Variants in CPXM2 observed in about 807,000 individuals in gnomAD.
The protein encoded by CPXM2 is carboxypeptidase X, M14 family member 2.
CPXM2 carries 66 observed loss-of-function variants against 86.1 expected under a neutral mutation model. That is an observed-to-expected ratio of 0.77 (90% CI 0.63 to 0.94). The LOEUF is 0.94. CPXM2 is among the 40% of genes least tolerant of loss of function. CPXM2 has a pLI of 0.00. For synonymous variants in CPXM2, 388 were observed against 400.2 expected (o/e 0.97, Z 0.36); for missense variants, 948 against 1,026.3 (o/e 0.92, Z 1.04).
chr10:123,818,944 C>T (rs995399815), intron 4 of CPXM2, among the ~76,000 whole-genome samples: 19 of 152,150 alleles, frequency 1.2e-4, no homozygotes, highest in African/African-American at 4.6e-4. Flanking sequence ...TAGTGATCCA[C>T]TAGCAAAATT....
At chr10:123,916,235 T>C (rs1945532751) in intron 2 of CPXM2, among the ~76,000 whole-genome samples, 1 of 152,154 alleles carries the variant, frequency 6.6e-6, no homozygotes, top group Non-Finnish European at 1.5e-5. Context: ...CAAAATGCTA[T>C]TATATGTGGG....
In CPXM2 at chr10:123,839,239, G is replaced by A. The variant is rs76746247; in HGVS notation, c.653+3110C>T. On this transcript the variant is annotated intron_variant, in intron 4 of 13. Coordinates refer to ENST00000241305, the MANE Select transcript of CPXM2 (RefSeq NM_198148.3). The stretch of plus-strand genomic sequence containing the variant: ...ACAGGAAACTGAGGGTCACAGAAGA[G>A]AAATCTCAGAACCAGCAAGGGCCTA... Among the ~76,000 whole-genome samples the A allele has an allele frequency of 5.4e-3, 818 of 152,260 alleles. 8 individuals are homozygous for A. The highest frequency in any genetic ancestry group is 0.027 in the Middle Eastern group (8 of 294).
intron 2 of CPXM2, among the ~76,000 whole-genome samples, chr10:123,935,846 C>T (rs919766387): frequency 6.6e-6 from 1 of 152,094 alleles, no homozygotes; most frequent in East Asian, 1.9e-4. Flanking sequence ...GCGTCTTGAC[C>T]ATCATCACCA....
chr10:123,891,708 CG>C lies in CPXM2; in HGVS notation c.-50del. ...GCAGGGTCACGGTCACCGGGGGCGC[CG>C]GGCGGGCTGCGGGCGCAGAAGCTGG... On this transcript the variant is annotated 5_prime_UTR_variant, in exon 1 of 14. Coordinates refer to ENST00000241305, the MANE Select transcript of CPXM2 (RefSeq NM_198148.3). The surrounding 1 kb of genome is among the most constrained non-coding windows in gnomAD (Gnocchi z 5.6). 7.8e-7 allele frequency: 1 copy of C among 1,284,148 alleles called. No homozygotes were observed. The highest frequency in any genetic ancestry group is 1.6e-5 in the African/African-American group (1 of 64,066). The allele number at this position is 1,284,148 out of a possible 1,614,324, so 79.5% of individuals were successfully genotyped here.
Position 123,799,118 on chromosome 10 carries a change from G to A in CPXM2, c.735C>T (p.Asp245=). The change falls in exon 5 of 14, where the codon GAC becomes GAT. Residue 245 remains aspartate (D), a synonymous_variant. Transcript: ENST00000241305. The part of the protein sequence containing the change: ...TWVTVKNGSG[D]MIFEGNSEKE... The stretch of plus-strand genomic sequence containing the variant: ...TTAAATGGAGGATGAGACTCACCAT[G>A]TCTCCAGATCCATTCTTAACAGTGA... 2 of 1,614,064 alleles carry A rather than the reference G, an allele frequency of 1.2e-6. No homozygotes were observed. Among genetic ancestry groups the A allele is most frequent in the Non-Finnish European group, 1.7e-6 (2 of 1,180,018 alleles).
At chr10:123,876,971 G>T (rs1223035188) in intron 2 of CPXM2, among the ~76,000 whole-genome samples, 1 of 152,226 alleles carries the variant, frequency 6.6e-6, no homozygotes, top group East Asian at 1.9e-4. Context: ...AAAGTCTCAA[G>T]TGTTAGTCTG....
At chr10:123,818,726 T>C (rs1847863937) in intron 4 of CPXM2, among the ~76,000 whole-genome samples, 1 of 152,174 alleles carries the variant, frequency 6.6e-6, no homozygotes, top group Non-Finnish European at 1.5e-5. Context: ...GCAGTTGGAT[T>C]GATAGAATGG....
At chr10:123,781,780 C>T (rs574010676) in intron 6 of CPXM2, among the ~76,000 whole-genome samples, 1 of 152,216 alleles carries the variant, frequency 6.6e-6, no homozygotes, top group Non-Finnish European at 1.5e-5. Flanking sequence ...TCCCAGCTGG[C>T]TCTGCAGACA....
chr10:123,828,372 T>C (rs2134125898), intron 4 of CPXM2, among the ~76,000 whole-genome samples: 1 of 152,320 alleles, frequency 6.6e-6, no homozygotes, highest in South Asian at 2.1e-4. Context: ...AAATCTCATC[T>C]TGAAGTGTAG....
At chr10:123,807,660 C>G (rs1212927811) in intron 4 of CPXM2, among the ~76,000 whole-genome samples, 1 of 152,086 alleles carries the variant, frequency 6.6e-6, no homozygotes, top group Non-Finnish European at 1.5e-5. Flanking sequence ...GTCTGCGTGG[C>G]TTAGATGGAA....
rs573239034 is a variant in CPXM2 at position 123,832,796 on chromosome 10, T to C, written c.653+9553A>G. Among the ~76,000 whole-genome samples the C allele has an allele frequency of 1.6e-4, 22 of 140,314 alleles. No individual in the cohort carries two copies. The East Asian group carries it at 4.0e-3, about 26-fold the overall frequency. 92.1% of individuals were successfully genotyped at this position (140,314 alleles called of 152,430 possible). ...GAGCCGAGATCGTGCCATTGCACTCTAGCCTGGGCAACAAGAGCAAAACTC... is the reference window on the plus strand; with the variant it reads ...GAGCCGAGATCGTGCCATTGCACTCCAGCCTGGGCAACAAGAGCAAAACTC... On this transcript the variant is annotated intron_variant, in intron 4 of 13. Transcript: ENST00000241305.
At chr10:123,765,164 A>T (rs1157224299) in intron 10 of CPXM2, among the ~76,000 whole-genome samples, 3 of 152,212 alleles carry the variant, frequency 2.0e-5, no homozygotes, top group South Asian at 2.1e-4. Context: ...TCAATTTTTT[A>T]AAATGTTACA....
intron 6 of CPXM2, among the ~76,000 whole-genome samples, chr10:123,792,465 G>A (rs1310954147): frequency 6.6e-6 from 1 of 152,144 alleles, no homozygotes; most frequent in Non-Finnish European, 1.5e-5. Context: ...GATGGAAGAA[G>A]GTCTCTATCA....
chr10:123,789,046 T>C (rs577685368), intron 6 of CPXM2, among the ~76,000 whole-genome samples: 1 of 152,174 alleles, frequency 6.6e-6, no homozygotes, highest in Non-Finnish European at 1.5e-5. Flanking sequence ...AACCCCAACA[T>C]GCTCAGCAGA....
intron 6 of CPXM2, among the ~76,000 whole-genome samples, chr10:123,791,865 A>T (rs1169410187): frequency 6.6e-6 from 1 of 152,172 alleles, no homozygotes; most frequent in Non-Finnish European, 1.5e-5. Flanking sequence ...GCCCTGAACA[A>T]ATGCCCACTG....
rs28634188 is a variant in CPXM2 at position 123,865,699 on chromosome 10, T to C, written c.404-2976A>G. Among the ~76,000 whole-genome samples the C allele has an allele frequency of 0.61, 93,101 of 151,972 alleles. 29,638 individuals carry two copies. Among genetic ancestry groups the C allele is most frequent in the Non-Finnish European group, 0.67 (45,822 of 67,970 alleles). ...GGGGACGCCAAATTCACAACCGACATGGGGCACGGGACGGGCACCTGCAGC... is the reference window on the plus strand; with the variant it reads ...GGGGACGCCAAATTCACAACCGACACGGGGCACGGGACGGGCACCTGCAGC... On this transcript the variant is annotated intron_variant, in intron 2 of 13. Coordinates refer to ENST00000241305, the MANE Select transcript of CPXM2 (RefSeq NM_198148.3). This position sits in a 1 kb window ranked among gnomAD's most constrained non-coding sequence, Gnocchi z 4.7.
intron 2 of CPXM2, among the ~76,000 whole-genome samples, chr10:123,917,563 C>A (rs1185874815): frequency 2.6e-5 from 4 of 152,210 alleles, no homozygotes; most frequent in Admixed American, 2.0e-4. Context: ...TTTAATGGCA[C>A]CTTTCTACCT....
intron 12 of CPXM2, among the ~76,000 whole-genome samples, chr10:123,756,656 C>T (rs1489906265): frequency 1.3e-5 from 2 of 149,552 alleles, no homozygotes; most frequent in Admixed American, 6.7e-5. Context: ...ACGGAGCCTT[C>T]GAAGAGGTAA....
chr10:123,942,119 A>G (rs1945783111), upstream of CPXM2, among the ~76,000 whole-genome samples: 1 of 152,244 alleles, frequency 6.6e-6, no homozygotes. Flanking sequence ...GCTCTAGTCC[A>G]CAGAAGTGCA....
Sources: gnomAD v4.1 joint callset for allele counts (sites outside exome capture counted in the v4.1 genomes callset) on GRCh38, gnomAD v4.1.1 for gene constraint, Gnocchi (gnomAD v3.1) non-coding constraint, MANE v1.5 for transcripts, NCBI Gene and HGNC (gene_info 2026-07-23, HGNC 2026-07-21) for gene names.